The following CBX1 variants were observed in gnomAD, a reference collection of about 807,000 sequenced individuals.
The protein encoded by CBX1 is chromobox 1.
CBX1 carries 10 observed loss-of-function variants against 25.1 expected under a neutral mutation model. The ratio of observed to expected loss-of-function variants is 0.40; its 90% CI spans 0.25 to 0.68. The LOEUF (loss-of-function observed/expected upper bound fraction) is 0.68, where lower values mean the gene tolerates loss of function less well. Ranked by LOEUF, CBX1 falls within the 30% of genes least tolerant of loss-of-function variation. The pLI, the probability that CBX1 is intolerant of heterozygous loss-of-function variation, is 0.40. For synonymous variants in CBX1, 63 were observed against 79.4 expected, an observed-to-expected ratio of 0.79 and a Z score of 1.10; for missense variants, 106 against 218.5, an observed-to-expected ratio of 0.49 and a Z score of 3.25.
In CBX1 at chr17:48,077,055, T is replaced by A; in HGVS notation, c.-37-14A>T. ...AGGGTGACGCTGCTAAAATGATAAA[T>A]GAAATAAAAAGGGCATTAGGGAGCA... On this transcript the variant is annotated splice_polypyrimidine_tract_variant and intron_variant, in intron 1 of 4. Coordinates refer to ENST00000225603, the MANE Select transcript of CBX1 (RefSeq NM_001127228.2). The A allele has an allele frequency of 6.3e-7, 1 of 1,575,166 alleles. No individual in the cohort carries two copies. Among genetic ancestry groups the A allele is most frequent in the African/African-American group, 1.4e-5 (1 of 73,346 alleles).
chr17:48,071,400 C>A lies in CBX1; in HGVS notation c.*35G>T. ...TCCTTCCCTTCCCACTTGAAACCCA[C>A]AGTCAGATGTGACAGGGGCTGGTAC... On this transcript the variant is annotated 3_prime_UTR_variant, in exon 5 of 5. Coordinates refer to ENST00000225603, the MANE Select transcript of CBX1 (RefSeq NM_001127228.2). The A allele has an allele frequency of 6.4e-7, 1 of 1,568,934 alleles. No homozygotes were observed. Among genetic ancestry groups the A allele is most frequent in the Non-Finnish European group, 8.6e-7 (1 of 1,158,562 alleles).
intron 1 of CBX1, among the ~76,000 whole-genome samples, chr17:48,092,424 A>T (rs2144463991): frequency 6.7e-6 from 1 of 149,956 alleles, no homozygotes; most frequent in South Asian, 2.1e-4. Context: ...TGAGTTTCAG[A>T]CCAGCCTGGG....
intron 1 of CBX1, among the ~76,000 whole-genome samples, chr17:48,084,070 G>C (rs191421386): frequency 6.7e-6 from 1 of 149,894 alleles, no homozygotes; most frequent in East Asian, 1.9e-4. Context: ...CTGCAGCCTC[G>C]ACCTCCTGGG....
At chr17:48,091,097 C>G (rs996308551) in intron 1 of CBX1, among the ~76,000 whole-genome samples, 1 of 152,214 alleles carries the variant, frequency 6.6e-6, no homozygotes, top group Non-Finnish European at 1.5e-5. Context: ...AAGAAAAGCA[C>G]TCCAAGGTTA....
In CBX1 at chr17:48,083,628, G is replaced by C. The variant is rs1351197831; in HGVS notation, c.-37-6587C>G. 9.3e-5 allele frequency among the ~76,000 whole-genome samples: 14 copies of C among 150,422 alleles called. 2 individuals are homozygous for C. Among genetic ancestry groups the C allele is most frequent in the African/African-American group, 3.5e-4 (14 of 39,848 alleles). ...ACTTGAGGTCAGGAGTTCGAGACCA[G>C]CCTGACCAACATGGTGATACCCTGT... is the stretch of plus-strand genomic sequence containing the variant. On this transcript the variant is annotated intron_variant, in intron 1 of 4. Coordinates refer to ENST00000225603, the MANE Select transcript of CBX1 (RefSeq NM_001127228.2).
chr17:48,097,804 G>T (rs1182076667), intron 1 of CBX1, among the ~76,000 whole-genome samples: 1 of 152,038 alleles, frequency 6.6e-6, no homozygotes, highest in Non-Finnish European at 1.5e-5. Flanking sequence ...TCTAAATTTT[G>T]TCCATATCTG....
intron 4 of CBX1, among the ~76,000 whole-genome samples, chr17:48,071,982 G>C (rs1249921678): frequency 6.9e-6 from 1 of 144,370 alleles, no homozygotes; most frequent in Non-Finnish European, 1.5e-5. Context: ...AGAAATCTTG[G>C]CTTTGTAATA....
intron 1 of CBX1, among the ~76,000 whole-genome samples, chr17:48,087,857 A>G (rs2063321300): frequency 1.5e-5 from 2 of 136,788 alleles, no homozygotes; most frequent in Non-Finnish European, 3.1e-5. Flanking sequence ...CTGGCAACAG[A>G]GCGAGACTCA....
intron 1 of CBX1, among the ~76,000 whole-genome samples, chr17:48,090,266 C>A (rs896627667): frequency 1.3e-5 from 2 of 152,034 alleles, no homozygotes; most frequent in African/African-American, 4.8e-5. Flanking sequence ...TTTTGGTAAT[C>A]CACACAGTAA....
At chr17:48,088,477 G>A (rs558356696) in intron 1 of CBX1, among the ~76,000 whole-genome samples, 1 of 151,990 alleles carries the variant, frequency 6.6e-6, no homozygotes, top group East Asian at 1.9e-4. Flanking sequence ...AAATTAGCCG[G>A]GCGTGGTGGC....
intron 1 of CBX1, chr17:48,100,855 T>C (rs1327996909): frequency 3.2e-5 from 32 of 985,554 alleles, no homozygotes; most frequent in Non-Finnish European, 3.6e-5. Context: ...CCCGGCGTCT[T>C]CCGAATACAG....
intron 1 of CBX1, among the ~76,000 whole-genome samples, chr17:48,089,102 CTTTT>C (rs71366828): frequency 2.2e-5 from 3 of 137,058 alleles, no homozygotes; most frequent in Admixed American, 7.4e-5. Context: ...GCATCTGCAT[CTTTT>C]TTTTTTTTTT....
intron 1 of CBX1, among the ~76,000 whole-genome samples, chr17:48,099,475 A>G (rs948925253): frequency 3.3e-5 from 5 of 152,148 alleles, no homozygotes; most frequent in Non-Finnish European, 7.4e-5. Flanking sequence ...CACCACAGGG[A>G]AAACCGTAAA....
At chr17:48,073,125 T>TA (rs5820682) in intron 4 of CBX1, among the ~76,000 whole-genome samples, 40,797 of 148,592 alleles carry the variant, frequency 0.27, 6,202 homozygotes, top group African/African-American at 0.43. Context: ...CTGTCTCATT[T>TA]AAAAAAAAAA....
intron 1 of CBX1, among the ~76,000 whole-genome samples, chr17:48,090,247 A>C (rs1473380988): frequency 6.6e-6 from 1 of 152,164 alleles, no homozygotes; most frequent in African/African-American, 2.4e-5. Context: ...ATGTAAGTAC[A>C]AAAATCAGTT....
At chr17:48,073,249 C>T (rs1319280445) in intron 4 of CBX1, among the ~76,000 whole-genome samples, 2 of 152,168 alleles carry the variant, frequency 1.3e-5, no homozygotes, top group East Asian at 1.9e-4. Context: ...TCTCTAGAAC[C>T]TTAATAACAG....
At chr17:48,077,194 T>C (rs1042683663) in intron 1 of CBX1, among the ~76,000 whole-genome samples, 153 bp from the exon 2 acceptor site, 2 of 151,994 alleles carry the variant, frequency 1.3e-5, no homozygotes, top group African/African-American at 4.8e-5. Flanking sequence ...CGATACAAAA[T>C]AGTTTTCTGA....
intron 1 of CBX1, among the ~76,000 whole-genome samples, chr17:48,079,032 C>T (rs745752576): frequency 6.6e-6 from 1 of 151,840 alleles, no homozygotes; most frequent in African/African-American, 2.4e-5. Flanking sequence ...CTCGTGACTT[C>T]GTGATTCACC....
chr17:48,077,430 G>GTTTTTTTTTTTT (rs1225892452), intron 1 of CBX1, among the ~76,000 whole-genome samples: 2 of 56,454 alleles, frequency 3.5e-5, no homozygotes, highest in Admixed American at 1.6e-4. Context: ...GCTAATTTTT[G>GTTTTTTTTTTTT]TTGTTTTTTT....
Sources: gnomAD v4.1 joint callset for allele counts (sites outside exome capture counted in the v4.1 genomes callset) on GRCh38, gnomAD v4.1.1 for gene constraint, MANE v1.5 for transcripts, NCBI Gene and HGNC (gene_info 2026-07-23, HGNC 2026-07-21) for gene names.